The following NAA16 variants were observed in gnomAD, a reference collection of about 807,000 sequenced individuals.
NAA16 encodes NARG1-like protein.
In NAA16, 97 loss-of-function variants were observed where a neutral mutation model predicts 110.3. The ratio of observed to expected loss-of-function variants is 0.88; its 90% CI spans 0.75 to 1.04. The LOEUF (loss-of-function observed/expected upper bound fraction) is 1.04, where lower values mean the gene tolerates loss of function less well. NAA16 is among the 50% of genes least tolerant of loss of function. NAA16 has a pLI of 0.00. For synonymous variants in NAA16, 372 were observed against 330.6 expected (o/e 1.13, Z -1.36); for missense variants, 1,017 against 1,005.1 (o/e 1.01, Z -0.16).
intron 9 of NAA16, among the ~76,000 whole-genome samples, chr13:41,338,421 T>G (rs1249915973): frequency 1.3e-5 from 2 of 152,140 alleles, no homozygotes; most frequent in African/African-American, 4.8e-5. Flanking sequence ...ATATAAAGCA[T>G]GAAAATTATG....
In NAA16 at chr13:41,321,030, T is replaced by C. The variant is rs189446426; in HGVS notation, c.402+206T>C. The stretch of plus-strand genomic sequence containing the variant: ...AAAAAGAATAACTGGTGGGGTGTGG[T>C]GGCCCACGCCTGTAATCCCAGCAGT... On this transcript the variant is annotated intron_variant, in intron 4 of 19. Transcript: ENST00000379406. Among the ~76,000 whole-genome samples, 93 of 152,352 alleles carry C rather than the reference T, an allele frequency of 6.1e-4. No individual in the cohort carries two copies. The East Asian group carries it at 0.013, about 21-fold the overall frequency.
Position 41,372,791 on chromosome 13 carries a change from C to T in NAA16, c.2116C>T (p.Pro706Ser), listed in dbSNP as rs2043348588. 1 of 1,594,730 alleles carries T rather than the reference C, an allele frequency of 6.3e-7. No homozygotes were observed. The highest frequency in any genetic ancestry group is 2.3e-5 in the East Asian group (1 of 44,302). ...KRAFAINSNN[P>S]WLHECLIRFS... is the part of the protein sequence containing the mutation. Reference sequence around the variant, plus strand: ...AGCTTTTGCCATTAACAGTAATAACCCATGGTTACATGAATGTTTAATTAG... The same window carrying T: ...AGCTTTTGCCATTAACAGTAATAACTCATGGTTACATGAATGTTTAATTAG... The change falls in exon 17 of 20, where the codon CCA becomes TCA. Residue 706 changes from proline to serine, a missense_variant. Pro to Ser is a moderately conservative substitution (Grantham distance 74, BLOSUM62 -1). Transcript: ENST00000379406.
At chr13:41,321,667 A>T (rs2041949761) in intron 4 of NAA16, among the ~76,000 whole-genome samples, 1 of 152,220 alleles carries the variant, frequency 6.6e-6, no homozygotes. Context: ...GTCTTTCTGT[A>T]GTTGAGACCT....
intron 9 of NAA16, among the ~76,000 whole-genome samples, chr13:41,346,252 A>G (rs901907774): frequency 1.3e-5 from 2 of 152,196 alleles, no homozygotes; most frequent in Non-Finnish European, 2.9e-5. Context: ...TTCCCTGTTG[A>G]ACGATCTTGG....
At chr13:41,328,107 A>AT (rs979301318) in intron 6 of NAA16, 15 of 151,900 alleles carry the variant, frequency 9.9e-5, no homozygotes, top group African/African-American at 3.6e-4. Flanking sequence ...TTTCCATCGT[A>AT]TTTGAGAGGT....
chr13:41,362,010 T>C (rs2043121154), intron 12 of NAA16, 21 bp from the exon 13 acceptor site: 3 of 1,609,794 alleles, frequency 1.9e-6, no homozygotes, highest in African/African-American at 1.3e-5. Flanking sequence ...CTCTCTATAG[T>C]TTTGAATGCT....
chr13:41,371,711 T>C (rs1369946461), intron 15 of NAA16, among the ~76,000 whole-genome samples: 1 of 152,202 alleles, frequency 6.6e-6, no homozygotes, highest in Middle Eastern at 3.2e-3. Context: ...AACAGTAGGC[T>C]ATTAGTAGTG....
chr13:41,334,498 C>T (rs1230678576), intron 8 of NAA16, among the ~76,000 whole-genome samples: 1 of 152,128 alleles, frequency 6.6e-6, no homozygotes, highest in African/African-American at 2.4e-5. Context: ...GCTGTTTACA[C>T]TGATTATTTT....
Position 41,372,313 on chromosome 13 carries a change from T to C in NAA16, c.2056+2T>C. ...CATTTGAAATATATTTTAGAAAAGG[T>C]AATAAATAGTTTGAGTTCAGTTTTT... On this transcript the variant is annotated splice_donor_variant, in intron 16 of 19. Transcript: ENST00000379406. LOFTEE classifies it high-confidence loss of function. 1 of 1,570,022 alleles carries C rather than the reference T, an allele frequency of 6.4e-7. No individual in the cohort carries two copies. Among genetic ancestry groups the C allele is most frequent in the Non-Finnish European group, 8.6e-7 (1 of 1,161,248 alleles).
chr13:41,367,285 C>T (rs1285176401), intron 13 of NAA16, among the ~76,000 whole-genome samples, 154 bp from the exon 14 acceptor site: 1 of 152,046 alleles, frequency 6.6e-6, no homozygotes, highest in Admixed American at 6.6e-5. Flanking sequence ...AAAAATAATT[C>T]ATATCCTTTA....
chr13:41,313,022 A>C (rs990149435), intron 1 of NAA16, among the ~76,000 whole-genome samples: 1 of 151,978 alleles, frequency 6.6e-6, no homozygotes, highest in Non-Finnish European at 1.5e-5. Flanking sequence ...CATTAATGAT[A>C]ATATCATTTA....
At chr13:41,316,771 A>C (rs2041821372) in intron 1 of NAA16, 75 bp from the exon 2 acceptor site, 1 of 945,666 alleles carries the variant, frequency 1.1e-6, no homozygotes, top group South Asian at 1.3e-5. Context: ...TGAGTTTAGA[A>C]TATATGATGC....
At position 41,372,762 on chromosome 13, in the gene NAA16, A is replaced by G. The variant is rs149998831; in HGVS notation, c.2087A>G (p.Lys696Arg). Residue 696 changes from lysine (K) to arginine (R), a missense_variant, in exon 17 of 20, where the codon AAA (lysine) becomes AGA (arginine). Transcript: ENST00000379406. ...TTTCTGTTAATGCTGCAGTCTGTCA[A>G]ACGAGCTTTTGCCATTAACAGTAAT... ...GKFLLMLQSV[K>R]RAFAINSNNP... is the part of the protein sequence containing the mutation. 48 of 1,604,186 alleles carry G rather than the reference A, an allele frequency of 3.0e-5. No homozygotes were observed. The highest frequency in any genetic ancestry group is 2.9e-4 in the African/African-American group (22 of 74,828).
At chr13:41,352,577 C>T (rs1794616824) in intron 9 of NAA16, among the ~76,000 whole-genome samples, 5 of 152,106 alleles carry the variant, frequency 3.3e-5, no homozygotes, top group Non-Finnish European at 7.4e-5. Flanking sequence ...ATTGCTTGAA[C>T]CTGGGAGGCA....
intron 12 of NAA16, among the ~76,000 whole-genome samples, chr13:41,359,448 A>G (rs1197231317): frequency 1.3e-5 from 2 of 152,120 alleles, no homozygotes; most frequent in Non-Finnish European, 2.9e-5. Flanking sequence ...CCATCCCTTT[A>G]TATCCTTTTC....
chr13:41,371,928 ATCTCTT>A (rs1433059087), intron 15 of NAA16, among the ~76,000 whole-genome samples: 4 of 152,196 alleles, frequency 2.6e-5, no homozygotes, highest in Non-Finnish European at 4.4e-5. Context: ...ATGATGTACC[ATCTCTT>A]TAAGTCTGTG....
At chr13:41,323,546 GT>G (rs1246844096) in intron 5 of NAA16, among the ~76,000 whole-genome samples, 4 of 151,714 alleles carry the variant, frequency 2.6e-5, no homozygotes, top group Non-Finnish European at 4.4e-5. Flanking sequence ...TAGAGACAGG[GT>G]TTCACCGTGT....
Position 41,316,905 on chromosome 13 carries a change from G to A in NAA16, c.114G>A (p.Ser38=), listed in dbSNP as rs768513294. The part of the protein sequence containing the change: ...NGLKFCKMIL[S]NPKFAEHGET... ...TCAAGTTTTGCAAGATGATTCTGTC[G>A]AACCCAAAATTTGCTGAACATGGAG... The change falls in exon 2 of 20, where the codon TCG becomes TCA. Residue 38 remains serine, a synonymous_variant. Coordinates refer to ENST00000379406, the MANE Select transcript of NAA16 (RefSeq NM_024561.5). The A allele has an allele frequency of 3.1e-6, 5 of 1,613,238 alleles. No homozygotes were observed. The highest frequency in any genetic ancestry group is 1.3e-5 in the African/African-American group (1 of 74,864).
rs541426465 is a variant in NAA16, at chr13:41,373,937, A to G, written c.2299+157A>G. Reference sequence around the variant, plus strand: ...TAAGTTATGTTCAATAATAGGGGAAACAGGGATGGATTCACAGGATGTAAT... The same window carrying G: ...TAAGTTATGTTCAATAATAGGGGAAGCAGGGATGGATTCACAGGATGTAAT... On this transcript the variant is annotated intron_variant, in intron 18 of 19. Coordinates refer to ENST00000379406, the MANE Select transcript of NAA16 (RefSeq NM_024561.5). 98 of 1,203,932 alleles carry G rather than the reference A, an allele frequency of 8.1e-5. No individual in the cohort carries two copies. The East Asian group carries it at 2.8e-3, about 35-fold the overall frequency. 74.6% of individuals were successfully genotyped at this position (1,203,932 alleles called of 1,614,324 possible).
Sources: allele counts gnomAD v4.1 joint callset (sites outside exome capture counted in the v4.1 genomes callset), GRCh38; gene constraint gnomAD v4.1.1; transcripts MANE v1.5; gene names NCBI Gene and HGNC (gene_info 2026-07-23, HGNC 2026-07-21).